Variants in FBN2 observed in about 807,000 individuals in gnomAD.
FBN2 encodes fibrillin 2, also known as fibrillin-2.
FBN2 carries 105 observed loss-of-function variants against 355.6 expected under a neutral mutation model. The ratio of observed to expected loss-of-function variants is 0.30; its 90% CI spans 0.25 to 0.35. The LOEUF is 0.35. FBN2 is among the 10% of genes least tolerant of loss of function. FBN2 has a pLI of 1.00. For missense variants in FBN2, 3,280 were observed against 3,758.7 expected (o/e 0.87, Z 3.33); for synonymous variants, 1,350 against 1,301.2 (o/e 1.04, Z -0.81).
chr5:128,462,609 A>G (rs896127533), intron 6 of FBN2, among the ~76,000 whole-genome samples: 2 of 152,230 alleles, frequency 1.3e-5, no homozygotes, highest in South Asian at 2.1e-4. Flanking sequence ...ACCAAATCAA[A>G]TAAGTAATCC....
chr5:128,358,618 C>T (rs907806881), intron 19 of FBN2, among the ~76,000 whole-genome samples: 1 of 151,942 alleles, frequency 6.6e-6, no homozygotes, highest in Non-Finnish European at 1.5e-5. Flanking sequence ...ACTGAGAAAA[C>T]CTCTTAAAAA....
At chr5:128,361,630 TC>T in intron 19 of FBN2, 92 bp downstream of exon 19, 1 of 1,443,774 alleles carries the variant, frequency 6.9e-7, no homozygotes, top group Admixed American at 1.7e-5. Flanking sequence ...CAAACAATAT[TC>T]TTTTCACTAC....
At chr5:128,366,489 A>C in intron 16 of FBN2, 59 bp from the exon 17 acceptor site, 1 of 1,036,186 alleles carries the variant, frequency 9.7e-7, no homozygotes, top group Non-Finnish European at 1.5e-6. Context: ...TCCATATACA[A>C]GTCATTTCAT....
At chr5:128,266,738 T>A (rs1478830805) in intron 62 of FBN2, among the ~76,000 whole-genome samples, 1 of 152,072 alleles carries the variant, frequency 6.6e-6, no homozygotes, top group Non-Finnish European at 1.5e-5. Flanking sequence ...TTAAGGTCTA[T>A]GGAATTAACC....
At chr5:128,281,225 A>G (rs1438582533) in intron 55 of FBN2, among the ~76,000 whole-genome samples, 2 of 152,176 alleles carry the variant, frequency 1.3e-5, no homozygotes, top group Non-Finnish European at 1.5e-5. Flanking sequence ...TAAACCACTT[A>G]TATCTGTCAT....
chr5:128,358,150 A>G (rs1233387462), intron 19 of FBN2, among the ~76,000 whole-genome samples: 1 of 152,166 alleles, frequency 6.6e-6, no homozygotes, highest in Non-Finnish European at 1.5e-5. Context: ...AATGGTGATT[A>G]CAGAAAATGT....
intron 7 of FBN2, among the ~76,000 whole-genome samples, chr5:128,444,408 A>G (rs1396149279): frequency 1.1e-4 from 17 of 152,126 alleles, no homozygotes; most frequent in Admixed American, 1.1e-3. Flanking sequence ...ATATTACCCA[A>G]ATAAAATTGA....
intron 7 of FBN2, among the ~76,000 whole-genome samples, chr5:128,413,408 T>C (rs1753118952): frequency 6.6e-6 from 1 of 152,000 alleles, no homozygotes; most frequent in East Asian, 1.9e-4. Flanking sequence ...AAGAACACTG[T>C]GAAAACAGGG....
chr5:128,297,765 A>T (rs1054874294), intron 48 of FBN2, among the ~76,000 whole-genome samples: 7 of 152,144 alleles, frequency 4.6e-5, no homozygotes, highest in Admixed American at 3.3e-4. Context: ...AATACAGCAC[A>T]CTGATGGGTC....
chr5:128,393,703 T>C (rs1341921605), intron 9 of FBN2, among the ~76,000 whole-genome samples: 1 of 152,266 alleles, frequency 6.6e-6, no homozygotes, highest in African/African-American at 2.4e-5. Context: ...AGATAAAAGT[T>C]AAAGCTTTAT....
intron 9 of FBN2, among the ~76,000 whole-genome samples, chr5:128,394,852 C>T (rs538249470): frequency 3.9e-5 from 6 of 152,266 alleles, no homozygotes; most frequent in African/African-American, 1.4e-4. Context: ...GTGGCATGAT[C>T]ATGGATGGCT....
At chr5:128,442,100 C>A (rs1002166284) in intron 7 of FBN2, 13 of 321,140 alleles carry the variant, frequency 4.0e-5, no homozygotes, top group Non-Finnish European at 7.3e-5. Flanking sequence ...GTTTCATGAG[C>A]CTAAATAAAT....
intron 19 of FBN2, among the ~76,000 whole-genome samples, chr5:128,360,149 T>A (rs182512689): frequency 6.6e-6 from 1 of 152,130 alleles, no homozygotes; most frequent in Admixed American, 6.5e-5. Flanking sequence ...GGGAAGGAAG[T>A]GTAGAAAATC....
intron 11 of FBN2, among the ~76,000 whole-genome samples, chr5:128,389,176 C>T (rs1449333634): frequency 6.6e-6 from 1 of 152,152 alleles, no homozygotes; most frequent in Non-Finnish European, 1.5e-5. Flanking sequence ...AGTTTTTCAG[C>T]TCTATCAGAT....
chr5:128,335,631 T>G (rs1750815380), intron 28 of FBN2, 54 bp from the exon 29 acceptor site: 4 of 1,605,906 alleles, frequency 2.5e-6, no homozygotes, highest in Non-Finnish European at 3.4e-6. Context: ...TAAAAGGAGT[T>G]TTCTTCTTTT....
chr5:128,372,052 G>T (rs1211756610), intron 15 of FBN2, among the ~76,000 whole-genome samples: 1 of 152,090 alleles, frequency 6.6e-6, no homozygotes, highest in Admixed American at 6.6e-5. Flanking sequence ...AATATCAGTA[G>T]TAGTTAACTT....
chr5:128,321,238 C>G (rs1338595127), intron 34 of FBN2, among the ~76,000 whole-genome samples: 1 of 152,136 alleles, frequency 6.6e-6, no homozygotes, highest in East Asian at 1.9e-4. Context: ...CCTCAGAATT[C>G]TGTGGGCATG....
rs6149234 is a variant in FBN2 at position 128,434,394 on chromosome 5, GTATATA to G, written c.952+12081_952+12086del. Reference sequence around the variant, plus strand: ...CAATGCCTGGCAGTGAATAAAGTGTGTATATATATATATATATATATATATATATAT... The same window carrying G: ...CAATGCCTGGCAGTGAATAAAGTGTGTATATATATATATATATATATATAT... On this transcript the variant is annotated intron_variant, in intron 7 of 64. Coordinates refer to ENST00000262464, the MANE Select transcript of FBN2 (RefSeq NM_001999.4). Among the ~76,000 whole-genome samples the G allele has an allele frequency of 7.9e-4, 72 of 91,676 alleles. 2 individuals carry two copies. The highest frequency in any genetic ancestry group is 2.1e-3 in the African/African-American group (35 of 16,576). 60.1% of individuals were successfully genotyped at this position (91,676 alleles called of 152,430 possible).
At chr5:128,455,990 CAAAA>C (rs70997371) in intron 6 of FBN2, among the ~76,000 whole-genome samples, 103 of 25,240 alleles carry the variant, frequency 4.1e-3, no homozygotes, top group Middle Eastern at 0.056. Context: ...GGGTTAGCAA[CAAAA>C]AAAAAAAAAA....
Sources: allele counts gnomAD v4.1 joint callset (sites outside exome capture counted in the v4.1 genomes callset), GRCh38; gene constraint gnomAD v4.1.1; transcripts MANE v1.5; gene names NCBI Gene and HGNC (gene_info 2026-07-23, HGNC 2026-07-21).